The following ADGRL3 variants were observed in gnomAD, a reference collection of about 807,000 sequenced individuals.
ADGRL3 encodes calcium-independent alpha-latrotoxin receptor 3.
A neutral mutation model predicts 153.5 loss-of-function variants in ADGRL3; 62 were observed. That is an observed-to-expected ratio of 0.40 (90% CI 0.33 to 0.50). ADGRL3 has a LOEUF of 0.50. ADGRL3 is among the 20% of genes least tolerant of loss of function. The pLI, the probability that ADGRL3 is intolerant of heterozygous loss-of-function variation, is 0.47. For missense variants in ADGRL3, 1,641 were observed against 1,859.4 expected (o/e 0.88, Z 2.16); for synonymous variants, 710 against 672.5 (o/e 1.06, Z -0.86).
intron 2 of ADGRL3, among the ~76,000 whole-genome samples, chr4:61,467,039 G>A (rs919538853): frequency 9.9e-5 from 15 of 152,138 alleles, no homozygotes; most frequent in African/African-American, 3.4e-4. Context: ...TCATCAATAT[G>A]TGATAAGTAC....
rs954717761 is a variant in ADGRL3, at chr4:62,071,566, G to A, written c.*658G>A. 8.1e-6 allele frequency: 2 copies of A among 245,804 alleles called. No homozygotes were observed. The highest frequency in any genetic ancestry group is 4.7e-5 in the African/African-American group (2 of 42,872). 15.2% of individuals were successfully genotyped at this position (245,804 alleles called of 1,614,324 possible). ...AGAAGTTGAGCAATTTCTATGTAATGTACAGATACTAGCATTGCACATATA... is the reference window on the plus strand; with the variant it reads ...AGAAGTTGAGCAATTTCTATGTAATATACAGATACTAGCATTGCACATATA... On this transcript the variant is annotated 3_prime_UTR_variant, in exon 27 of 27. Transcript: ENST00000683033.
chr4:61,471,603 T>C (rs763937779), intron 2 of ADGRL3, among the ~76,000 whole-genome samples: 17 of 151,872 alleles, frequency 1.1e-4, no homozygotes, highest in Admixed American at 9.9e-4. Flanking sequence ...CTGAGGCAAA[T>C]TCATTTTAAA....
intron 21 of ADGRL3, among the ~76,000 whole-genome samples, chr4:62,007,383 TACAC>T (rs71269038): frequency 2.3e-4 from 7 of 30,754 alleles, no homozygotes; most frequent in Non-Finnish European, 3.2e-4. Context: ...TATATATATA[TACAC>T]ACACACACAT....
intron 4 of ADGRL3, among the ~76,000 whole-genome samples, chr4:61,520,368 G>A (rs1477624616): frequency 1.3e-5 from 2 of 152,066 alleles, no homozygotes; most frequent in Non-Finnish European, 2.9e-5. Context: ...TACAAATAAT[G>A]TTCCTACAAA....
At chr4:61,277,939 T>G (rs1039024544) in intron 1 of ADGRL3, among the ~76,000 whole-genome samples, 3 of 152,206 alleles carry the variant, frequency 2.0e-5, no homozygotes, top group African/African-American at 7.2e-5. Flanking sequence ...AGTAATGACC[T>G]AATCCCATGA....
chr4:61,537,410 A>T (rs959432563), intron 4 of ADGRL3, among the ~76,000 whole-genome samples: 6 of 151,914 alleles, frequency 3.9e-5, no homozygotes, highest in Non-Finnish European at 7.4e-5. Flanking sequence ...CTGTATCTGG[A>T]TATTTACCTC....
chr4:61,612,572 A>G (rs1312964145), intron 5 of ADGRL3, among the ~76,000 whole-genome samples: 2 of 152,346 alleles, frequency 1.3e-5, no homozygotes, highest in Admixed American at 1.3e-4. Flanking sequence ...TATTACCTTC[A>G]GTAGATAGAG....
At chr4:61,554,162 A>G (rs2098754022) in intron 4 of ADGRL3, among the ~76,000 whole-genome samples, 1 of 105,216 alleles carries the variant, frequency 9.5e-6, no homozygotes, top group African/African-American at 3.8e-5. Context: ...TGTCTCTCCT[A>G]ACTTAGGTAT....
Position 61,201,497 on chromosome 4 carries a change from T to C in ADGRL3, c.-508T>C, listed in dbSNP as rs571159937. 7.9e-5 allele frequency: 12 copies of C among 152,394 alleles called. No homozygotes were observed. Among genetic ancestry groups the C allele is most frequent in the African/African-American group, 2.6e-4 (11 of 41,580 alleles). The allele number at this position is 152,394 out of a possible 1,614,324, so 9.4% of individuals were successfully genotyped here. A position where few individuals can be genotyped will look rare whatever the true frequency, so the allele number is the denominator to read the frequency against. Reference sequence around the variant, plus strand: ...GTAAAGGAAGGCGAACATTTGGCTCTCTTTTTCCTTCCCCTTTCTCCGTGG... The same window carrying C: ...GTAAAGGAAGGCGAACATTTGGCTCCCTTTTTCCTTCCCCTTTCTCCGTGG... On this transcript the variant is annotated 5_prime_UTR_variant, in exon 1 of 27. Coordinates refer to ENST00000683033, the MANE Select transcript of ADGRL3 (RefSeq NM_001387552.1).
At chr4:61,463,243 TA>T (rs1420190020) in intron 2 of ADGRL3, among the ~76,000 whole-genome samples, 1 of 152,132 alleles carries the variant, frequency 6.6e-6, no homozygotes, top group Non-Finnish European at 1.5e-5. Context: ...CACATAGGTA[TA>T]AAAAACTACC....
chr4:61,557,629 C>T (rs1010690903), intron 4 of ADGRL3, among the ~76,000 whole-genome samples: 3 of 152,116 alleles, frequency 2.0e-5, no homozygotes, highest in Non-Finnish European at 4.4e-5. Flanking sequence ...GGCTGACTGC[C>T]TTTCACTCTT....
At chr4:61,440,664 A>C (rs1193944358) in intron 2 of ADGRL3, among the ~76,000 whole-genome samples, 1 of 116,962 alleles carries the variant, frequency 8.5e-6, no homozygotes, top group Non-Finnish European at 1.8e-5. Flanking sequence ...AAAATGTAAG[A>C]TCAGAATGCA....
chr4:61,981,454 A>T (rs912030000), intron 18 of ADGRL3, among the ~76,000 whole-genome samples: 1 of 151,974 alleles, frequency 6.6e-6, no homozygotes, highest in Admixed American at 6.6e-5. Flanking sequence ...AGTTCTGGTC[A>T]TGTCTTTAAT....
At chr4:61,453,429 C>T (rs941296753) in intron 2 of ADGRL3, among the ~76,000 whole-genome samples, 2 of 152,162 alleles carry the variant, frequency 1.3e-5, no homozygotes, top group East Asian at 1.9e-4. Context: ...CTAGGGGTAA[C>T]GATTGACATG....
chr4:61,523,136 A>G (rs952819375), intron 4 of ADGRL3, among the ~76,000 whole-genome samples: 2 of 152,044 alleles, frequency 1.3e-5, no homozygotes, highest in Admixed American at 1.3e-4. Flanking sequence ...TCCTTCTGGC[A>G]TCTTCTCATG....
intron 2 of ADGRL3, among the ~76,000 whole-genome samples, chr4:61,495,180 G>A (rs190116619): frequency 2.0e-5 from 3 of 152,218 alleles, no homozygotes; most frequent in African/African-American, 7.2e-5. Context: ...AGATCAGGTT[G>A]TCTGGCTCCA....
At chr4:61,674,551 T>G (rs1391567523) in intron 5 of ADGRL3, among the ~76,000 whole-genome samples, 1 of 151,780 alleles carries the variant, frequency 6.6e-6, no homozygotes, top group African/African-American at 2.4e-5. Flanking sequence ...TATTCACACA[T>G]CAGAATTAAT....
At chr4:61,465,860 G>T (rs949887313) in intron 2 of ADGRL3, among the ~76,000 whole-genome samples, 1 of 150,572 alleles carries the variant, frequency 6.6e-6, no homozygotes, top group African/African-American at 2.4e-5. Context: ...AGTGTCTCAC[G>T]CCTGTAACCC....
chr4:61,984,337 A>C (rs1581745458), intron 19 of ADGRL3, among the ~76,000 whole-genome samples: 1 of 152,304 alleles, frequency 6.6e-6, no homozygotes, highest in Non-Finnish European at 1.5e-5. Context: ...AGAAGAGGTA[A>C]GCAGAGGCTT....
Sources: allele counts gnomAD v4.1 joint callset (sites outside exome capture counted in the v4.1 genomes callset), GRCh38; gene constraint gnomAD v4.1.1; transcripts MANE v1.5; gene names NCBI Gene and HGNC (gene_info 2026-07-23, HGNC 2026-07-21).